The following SPIN1 variants were observed in gnomAD, a reference collection of about 807,000 sequenced individuals.
SPIN1 encodes spindlin-1.
In SPIN1, 3 loss-of-function variants were observed where a neutral mutation model predicts 26.0. The observed-to-expected ratio is 0.12, with a 90% CI of 0.05 to 0.30. SPIN1 has a LOEUF of 0.30. SPIN1 is among the 10% of genes least tolerant of loss of function. The pLI is 1.00. For missense variants in SPIN1, 126 were observed against 333.4 expected (o/e 0.38, Z 4.84); for synonymous variants, 101 against 116.5 (o/e 0.87, Z 0.86).
At chr9:88,398,430 C>G (rs1211078150) in intron 1 of SPIN1, among the ~76,000 whole-genome samples, 2 of 152,040 alleles carry the variant, frequency 1.3e-5, no homozygotes, top group Non-Finnish European at 2.9e-5. Flanking sequence ...TGGTATCTAG[C>G]TCAGTGTCTG....
At chr9:88,453,615 C>T (rs554116656) in intron 3 of SPIN1, among the ~76,000 whole-genome samples, 1 of 152,218 alleles carries the variant, frequency 6.6e-6, no homozygotes, top group Admixed American at 6.5e-5. Flanking sequence ...CAACCTCCAC[C>T]TCCTGGGTTC....
chr9:88,405,377 C>T (rs921860005), intron 1 of SPIN1, among the ~76,000 whole-genome samples: 13 of 143,682 alleles, frequency 9.0e-5, no homozygotes, highest in Non-Finnish European at 1.4e-4. Flanking sequence ...TACTGGCATG[C>T]GCCACCATGC....
chr9:88,434,446 C>G (rs1240801160), intron 2 of SPIN1, among the ~76,000 whole-genome samples: 1 of 137,298 alleles, frequency 7.3e-6, no homozygotes, highest in South Asian at 2.2e-4. Flanking sequence ...TTACGGTTTT[C>G]TTCAACAAAT....
intron 4 of SPIN1, among the ~76,000 whole-genome samples, chr9:88,467,854 A>C (rs894833344): frequency 3.4e-5 from 5 of 146,438 alleles, no homozygotes; most frequent in East Asian, 2.0e-4. Flanking sequence ...TTAAAAAAAA[A>C]AAACAAAAAA....
rs1828891759 is a variant in SPIN1, at chr9:88,476,529, A to T, written c.*1252A>T. ...TGCTCCAGGTATGCTGTTCATGTGG[A>T]TTCATTCCATTCAGTGGCCCCTTGG... On this transcript the variant is annotated 3_prime_UTR_variant, in exon 6 of 6. Transcript: ENST00000375859. 6.6e-6 allele frequency: 1 copy of T among 152,100 alleles called. No homozygotes were observed. The highest frequency in any genetic ancestry group is 2.1e-4 in the South Asian group (1 of 4,822). 9.4% of individuals were successfully genotyped at this position (152,100 alleles called of 1,614,324 possible). A position where few individuals can be genotyped will look rare whatever the true frequency, so the allele number is the denominator to read the frequency against.
intron 1 of SPIN1, among the ~76,000 whole-genome samples, chr9:88,405,369 C>G (rs555838918): frequency 1.3e-5 from 2 of 151,292 alleles, no homozygotes; most frequent in African/African-American, 4.9e-5. Flanking sequence ...GCTGGGATTA[C>G]TGGCATGCGC....
At chr9:88,398,932 G>T (rs1827127027) in intron 1 of SPIN1, among the ~76,000 whole-genome samples, 1 of 151,860 alleles carries the variant, frequency 6.6e-6, no homozygotes, top group African/African-American at 2.4e-5. Flanking sequence ...GAAACCCCTA[G>T]GATGGATAAA....
chr9:88,417,717 C>T (rs1013868141), intron 1 of SPIN1, among the ~76,000 whole-genome samples: 1 of 152,184 alleles, frequency 6.6e-6, no homozygotes, highest in Non-Finnish European at 1.5e-5. Flanking sequence ...AAGTGATCCG[C>T]TGGCTTTGGC....
intron 1 of SPIN1, among the ~76,000 whole-genome samples, chr9:88,390,350 C>T (rs746000550): frequency 6.6e-5 from 10 of 152,164 alleles, no homozygotes; most frequent in Non-Finnish European, 1.2e-4. Flanking sequence ...GTGTGCCCCT[C>T]TGCATTTCGT....
intron 3 of SPIN1, among the ~76,000 whole-genome samples, chr9:88,461,750 A>AT (rs1828580435): frequency 1.3e-5 from 2 of 152,052 alleles, no homozygotes; most frequent in African/African-American, 2.4e-5. Flanking sequence ...TGAAATGAAG[A>AT]TTTTTTCCTG....
intron 1 of SPIN1, among the ~76,000 whole-genome samples, chr9:88,423,660 C>T (rs571765088): frequency 1.3e-5 from 2 of 151,832 alleles, no homozygotes; most frequent in East Asian, 3.9e-4. Context: ...AGGTGATCTG[C>T]CCACCTCGGT....
Position 88,390,270 on chromosome 9 carries a change from AGT to A in SPIN1, c.-159+1735_-159+1736del, listed in dbSNP as rs562158231. ...ATATGTTGGTCATTGGTGTCCTTAA[AGT>A]GTATCTCAGATAATTGTGTGTCTCC... On this transcript the variant is annotated intron_variant, in intron 1 of 5. Coordinates refer to ENST00000375859, the MANE Select transcript of SPIN1 (RefSeq NM_006717.3). Among the ~76,000 whole-genome samples the A allele has an allele frequency of 1.2e-3, 182 of 152,294 alleles. 1 individual carries two copies. The highest frequency in any genetic ancestry group is 4.2e-3 in the African/African-American group (176 of 41,568).
intron 2 of SPIN1, among the ~76,000 whole-genome samples, chr9:88,435,522 C>G (rs1827982552): frequency 6.6e-6 from 1 of 152,132 alleles, no homozygotes; most frequent in South Asian, 2.1e-4. Flanking sequence ...CACAGTCTTG[C>G]CAGTGACATA....
intron 5 of SPIN1, among the ~76,000 whole-genome samples, chr9:88,471,707 G>A (rs553872316): frequency 1.8e-4 from 27 of 151,630 alleles, no homozygotes; most frequent in Non-Finnish European, 3.8e-4. Context: ...AGATACGTGG[G>A]TGTGTTTCTG....
chr9:88,435,352 C>T (rs1221211897), intron 2 of SPIN1, among the ~76,000 whole-genome samples: 2 of 151,928 alleles, frequency 1.3e-5, no homozygotes, highest in Non-Finnish European at 2.9e-5. Context: ...GTCGCTGGGA[C>T]TACAGGCATG....
intron 2 of SPIN1, among the ~76,000 whole-genome samples, chr9:88,444,687 TTTTC>T (rs1472440484): frequency 7.0e-6 from 1 of 142,040 alleles, no homozygotes; most frequent in Non-Finnish European, 1.5e-5. Flanking sequence ...TTACCTTTTC[TTTTC>T]TTTTTTTTTT....
rs1356734958 is a variant in SPIN1, at chr9:88,400,945, C to T, written c.-159+12407C>T. On this transcript the variant is annotated intron_variant, in intron 1 of 5. Transcript: ENST00000375859. ...GGAGGATCAGTTGAGCTGGGGAAGT[C>T]GAGGCTGCGGTGAGCCATGATCGTG... is the stretch of plus-strand genomic sequence containing the variant. 6.6e-5 allele frequency among the ~76,000 whole-genome samples: 10 copies of T among 152,030 alleles called. No homozygotes were observed. The East Asian group carries it at 9.7e-4, about 15-fold the overall frequency.
At chr9:88,397,580 C>T (rs1247629161) in intron 1 of SPIN1, among the ~76,000 whole-genome samples, 1 of 151,394 alleles carries the variant, frequency 6.6e-6, no homozygotes, top group African/African-American at 2.4e-5. Flanking sequence ...AGAGATTGGA[C>T]TGTACTGATA....
intron 1 of SPIN1, among the ~76,000 whole-genome samples, chr9:88,388,788 C>G (rs1009009396): frequency 6.7e-6 from 1 of 150,252 alleles, no homozygotes; most frequent in Admixed American, 6.6e-5. Context: ...CCTCCGTGCC[C>G]CCATCCCCGC....
Sources: allele counts gnomAD v4.1 joint callset (sites outside exome capture counted in the v4.1 genomes callset), GRCh38; gene constraint gnomAD v4.1.1; transcripts MANE v1.5; gene names NCBI Gene and HGNC (gene_info 2026-07-23, HGNC 2026-07-21).